The following NRG2 variants were observed in gnomAD, a reference collection of about 807,000 sequenced individuals.
The protein encoded by NRG2 is pro-neuregulin-2, membrane-bound isoform.
A neutral mutation model predicts 73.9 loss-of-function variants in NRG2; 27 were observed. That is an observed-to-expected ratio of 0.37 (90% CI 0.27 to 0.50). NRG2 has a LOEUF of 0.50. NRG2 is among the 20% of genes least tolerant of loss of function. The pLI, the probability that NRG2 is intolerant of heterozygous loss-of-function variation, is 0.96. For missense variants in NRG2, 1,126 were observed against 1,210.1 expected, an observed-to-expected ratio of 0.93 and a Z score of 1.03; for synonymous variants, 532 against 541.0, an observed-to-expected ratio of 0.98 and a Z score of 0.23.
chr5:139,852,958 C>T lies in NRG2; in HGVS notation c.1362G>A (p.Leu454=). 1 of 1,611,990 alleles carries T rather than the reference C, an allele frequency of 6.2e-7. No homozygotes were observed. The highest frequency in any genetic ancestry group is 8.5e-7 in the Non-Finnish European group (1 of 1,179,440). The change falls in exon 7 of 10, where the codon TTG becomes TTA. Residue 454 remains leucine, a synonymous_variant. Transcript: ENST00000361474. This position sits in a 1 kb window ranked among gnomAD's most constrained non-coding sequence, Gnocchi z 4.4. ...NMCPAHQNRS[L]ANGPSHPRLD... The stretch of plus-strand genomic sequence containing the variant: ...GCCGGGGGTGGCTGGGCCCATTGGC[C>T]AAGCTCCGGTTCTGATGGGCCGGGC...
chr5:139,851,697 G>T lies in NRG2; in HGVS notation c.1679C>A (p.Ala560Glu). Residue 560 changes from alanine (A) to glutamate (E), a missense_variant, in exon 9 of 10, where the codon GCA (alanine) becomes GAA (glutamate). Ala to Glu is a moderately radical substitution (Grantham distance 107, BLOSUM62 -1). Around this residue, in one of 3 missense-constraint regions of NRG2, gnomAD observed 539 missense variants for 703.2 expected, o/e 0.77. Coordinates refer to ENST00000361474, the MANE Select transcript of NRG2 (RefSeq NM_004883.3). The surrounding 1 kb of genome is among the most constrained non-coding windows in gnomAD (Gnocchi z 4.2). ...PACVEARARR[A>E]AAYNLEERRR... ...CCGCTCCTCCAGGTTGTAGGCTGCT[G>T]CCCGCCTTGCCCGGGCCTCCACACA... The T allele has an allele frequency of 6.2e-7, 1 of 1,614,120 alleles. No homozygotes were observed. The highest frequency in any genetic ancestry group is 1.3e-5 in the African/African-American group (1 of 75,068).
chr5:139,973,569 C>T (rs1313531860), intron 1 of NRG2, among the ~76,000 whole-genome samples: 1 of 152,132 alleles, frequency 6.6e-6, no homozygotes, highest in Non-Finnish European at 1.5e-5. Flanking sequence ...TCCATGTTGC[C>T]CACACTGGTC....
In NRG2 at chr5:140,043,086, G is replaced by T. The variant is rs1334921794; in HGVS notation, c.-17C>A. 4 of 1,572,878 alleles carry T rather than the reference G, an allele frequency of 2.5e-6. No homozygotes were observed. Among genetic ancestry groups the T allele is most frequent in the African/African-American group, 1.4e-5 (1 of 73,046 alleles). On this transcript the variant is annotated 5_prime_UTR_variant, in exon 1 of 10. Coordinates refer to ENST00000361474, the MANE Select transcript of NRG2 (RefSeq NM_004883.3). The surrounding 1 kb of genome is among the most constrained non-coding windows in gnomAD (Gnocchi z 6.7). Reference sequence around the variant, plus strand: ...CTGCCGCATCTGGCCAGGCCATTTGGGGGGCTCCGCCGCTCAGCCGCCGCC... The same window carrying T: ...CTGCCGCATCTGGCCAGGCCATTTGTGGGGCTCCGCCGCTCAGCCGCCGCC...
chr5:139,861,177 C>G (rs1455334216), intron 5 of NRG2, among the ~76,000 whole-genome samples: 1 of 152,200 alleles, frequency 6.6e-6, no homozygotes, highest in African/African-American at 2.4e-5. Flanking sequence ...CAAGCCTGGA[C>G]GGCATGAGCT....
intron 1 of NRG2, among the ~76,000 whole-genome samples, chr5:139,902,791 T>C (rs1764972495): frequency 6.6e-6 from 1 of 152,210 alleles, no homozygotes; most frequent in Non-Finnish European, 1.5e-5. Flanking sequence ...GCACCCTGCA[T>C]TCTTTCAGAT....
chr5:139,951,490 C>T (rs956480374), intron 1 of NRG2, among the ~76,000 whole-genome samples: 1 of 152,184 alleles, frequency 6.6e-6, no homozygotes, highest in Non-Finnish European at 1.5e-5. Flanking sequence ...AGAGGGGACC[C>T]TGGAAGGCCC....
At chr5:139,913,234 C>A (rs1750982475) in intron 1 of NRG2, among the ~76,000 whole-genome samples, 1 of 152,150 alleles carries the variant, frequency 6.6e-6, no homozygotes, top group South Asian at 2.1e-4. Context: ...AACATGTTGA[C>A]CTTAATGGCC....
rs1761420548 is a variant in NRG2 at position 139,851,578 on chromosome 5, G to C, written c.1772+26C>G. 1 of 1,607,340 alleles carries C rather than the reference G, an allele frequency of 6.2e-7. No individual in the cohort carries two copies. Among genetic ancestry groups the C allele is most frequent in the South Asian group, 1.1e-5 (1 of 90,884 alleles). ...GGTGCCAGCCCTCTGGCTAAGCGGGGAATAGGTCAGGGGGTAGGAACTGAC... is the reference window on the plus strand; with the variant it reads ...GGTGCCAGCCCTCTGGCTAAGCGGGCAATAGGTCAGGGGGTAGGAACTGAC... On this transcript the variant is annotated intron_variant, in intron 9 of 9. Transcript: ENST00000361474. The surrounding 1 kb of genome is among the most constrained non-coding windows in gnomAD (Gnocchi z 4.2).
At chr5:139,931,074 T>C (rs757471262) in intron 1 of NRG2, among the ~76,000 whole-genome samples, 6 of 152,218 alleles carry the variant, frequency 3.9e-5, no homozygotes, top group Non-Finnish European at 8.8e-5. Context: ...GCTTCATCAT[T>C]TAACCTTTCT....
chr5:139,895,381 G>T (rs576188041), intron 1 of NRG2, among the ~76,000 whole-genome samples: 1 of 152,386 alleles, frequency 6.6e-6, no homozygotes, highest in Admixed American at 6.5e-5. Context: ...ACCTATGTCT[G>T]GGAGAGATGG....
chr5:139,897,731 G>A (rs1764634555), intron 1 of NRG2, among the ~76,000 whole-genome samples: 1 of 152,096 alleles, frequency 6.6e-6, no homozygotes, highest in African/African-American at 2.4e-5. Flanking sequence ...TCCATTGACA[G>A]GTAATCCCAG....
At chr5:140,021,196 T>C (rs560672596) in intron 1 of NRG2, among the ~76,000 whole-genome samples, 1 of 152,350 alleles carries the variant, frequency 6.6e-6, no homozygotes, top group African/African-American at 2.4e-5. Context: ...TCATTAGCTC[T>C]ATTTTATTGT....
chr5:139,964,458 G>A (rs1384176939), intron 1 of NRG2, among the ~76,000 whole-genome samples: 1 of 151,756 alleles, frequency 6.6e-6, no homozygotes, highest in Non-Finnish European at 1.5e-5. Context: ...ATTCTCAGAG[G>A]TACCCAAAAC....
intron 1 of NRG2, among the ~76,000 whole-genome samples, chr5:139,920,370 G>A (rs79729933): frequency 6.6e-6 from 1 of 152,168 alleles, no homozygotes; most frequent in Non-Finnish European, 1.5e-5. Context: ...GCCCAAATAA[G>A]CCATTAGTTT....
chr5:139,885,215 G>A (rs368834796), intron 2 of NRG2, among the ~76,000 whole-genome samples: 8 of 152,180 alleles, frequency 5.3e-5, no homozygotes, highest in Admixed American at 1.3e-4. Flanking sequence ...ACCCACAGGC[G>A]GAAAGGGAGG....
intron 1 of NRG2, among the ~76,000 whole-genome samples, chr5:140,030,656 A>T (rs1371181867): frequency 6.6e-6 from 1 of 152,268 alleles, no homozygotes; most frequent in African/African-American, 2.4e-5. Flanking sequence ...GCTCACTTCC[A>T]ATCTGGGAGC....
chr5:139,910,990 G>A (rs1481023421), intron 1 of NRG2, among the ~76,000 whole-genome samples: 1 of 152,094 alleles, frequency 6.6e-6, no homozygotes, highest in Non-Finnish European at 1.5e-5. Flanking sequence ...ATTGGCCGAA[G>A]AGAAGGTGGG....
At chr5:139,867,783 TGTGTGTGTGTGTGTATGA>T (rs1762560782) in intron 4 of NRG2, among the ~76,000 whole-genome samples, 2 of 139,226 alleles carry the variant, frequency 1.4e-5, no homozygotes, top group Non-Finnish European at 3.0e-5. Flanking sequence ...TGTGTGTGTG[TGTGTGTGTGTGTGTATGA>T]GTGTGTGTGT....
rs532650058 is a variant in NRG2 at position 139,904,409 on chromosome 5, T to C, written c.701-16898A>G. 4.2e-5 allele frequency: 63 copies of C among 1,493,548 alleles called. No homozygotes were observed. The Admixed American group carries it at 4.8e-4, about 11-fold the overall frequency. 92.5% of individuals were successfully genotyped at this position (1,493,548 alleles called of 1,614,324 possible). The stretch of plus-strand genomic sequence containing the variant: ...CTGGACTCCGACATTCTGCACGGGG[T>C]CCCAGGCGGTGGGACGGCCTCAGCT... On this transcript the variant is annotated intron_variant, in intron 1 of 9. Transcript: ENST00000361474. The surrounding 1 kb of genome is among the most constrained non-coding windows in gnomAD (Gnocchi z 6.0).
Sources: gnomAD v4.1 joint callset for allele counts (sites outside exome capture counted in the v4.1 genomes callset) on GRCh38, gnomAD v4.1.1 for gene constraint, gnomAD v4.1.1 regional missense constraint, Gnocchi (gnomAD v3.1) non-coding constraint, MANE v1.5 for transcripts, NCBI Gene and HGNC (gene_info 2026-07-23, HGNC 2026-07-21) for gene names.